The following RPH3AL variants were observed in gnomAD, a reference collection of about 807,000 sequenced individuals.
The protein encoded by RPH3AL is rabphilin 3A like (without C2 domains).
In RPH3AL, 38 loss-of-function variants were observed where a neutral mutation model predicts 43.1. That is an observed-to-expected ratio of 0.88 (90% confidence interval 0.68 to 1.15). RPH3AL has a LOEUF of 1.15. Among genes scored for constraint, RPH3AL ranks in the 50% most tolerant of loss-of-function variants. The probability of loss-of-function intolerance (pLI) is 0.00; values close to 1 mark genes in which losing one functional copy is unlikely to be tolerated. For missense variants in RPH3AL, 462 were observed against 423.2 expected (o/e 1.09, Z -0.81); for synonymous variants, 189 against 176.3 (o/e 1.07, Z -0.57).
chr17:227,670 G>C (rs1003974363), intron 7 of RPH3AL, among the ~76,000 whole-genome samples: 3 of 152,150 alleles, frequency 2.0e-5, no homozygotes, highest in Non-Finnish European at 2.9e-5. Flanking sequence ...GGGGTGGGGA[G>C]ATGCTCCCAC....
At chr17:321,498 C>G (rs146153973) in intron 3 of RPH3AL, 83 bp from the exon 4 acceptor site, 29 of 1,415,540 alleles carry the variant, frequency 2.0e-5, no homozygotes, top group African/African-American at 4.5e-5. Flanking sequence ...CAAGCCCCCC[C>G]GAGAACAGTC....
At chr17:334,763 AGCCC>A in intron 1 of RPH3AL, among the ~76,000 whole-genome samples, 1 of 79,458 alleles carries the variant, frequency 1.3e-5, no homozygotes, top group Admixed American at 1.6e-4. Context: ...CCCCAGGGCC[AGCCC>A]ATCCACTGTG....
intron 7 of RPH3AL, among the ~76,000 whole-genome samples, chr17:244,919 G>C (rs2041710637): frequency 6.6e-6 from 1 of 152,156 alleles, no homozygotes; most frequent in Non-Finnish European, 1.5e-5. Flanking sequence ...GCTACTGTGT[G>C]CATGAGTGTA....
chr17:308,181 A>G (rs2043549581), intron 5 of RPH3AL, among the ~76,000 whole-genome samples: 1 of 152,242 alleles, frequency 6.6e-6, no homozygotes, highest in African/African-American at 2.4e-5. Context: ...GGCGACTGAG[A>G]TGAAATGGCT....
intron 7 of RPH3AL, among the ~76,000 whole-genome samples, chr17:236,444 C>G (rs139274310): frequency 0.013 from 2,052 of 152,142 alleles, 34 homozygotes; most frequent in African/African-American, 0.046. Context: ...GTTTGACTAT[C>G]GGACACTGGC....
rs111886675 is a variant in RPH3AL, at chr17:332,279, C to CAT, written c.-37+1479_-37+1480insAT. The CAT allele has an allele frequency of 7.4e-5, 19 of 255,700 alleles. No individual in the cohort carries two copies. In the East Asian group the frequency reaches 9.0e-4, roughly 12 times the overall value. 15.8% of individuals were successfully genotyped at this position (255,700 alleles called of 1,614,324 possible). The stretch of plus-strand genomic sequence containing the variant: ...AGGTAAGAGGCTGGGGAAGGAGGAG[C>CAT]GTGTGTGTGTGCGCGTGTGTGTGTA... On this transcript the variant is annotated intron_variant, in intron 2 of 9. Transcript: ENST00000331302.
At chr17:296,649 A>G (rs973914463) in intron 5 of RPH3AL, among the ~76,000 whole-genome samples, 3 of 152,094 alleles carry the variant, frequency 2.0e-5, no homozygotes, top group African/African-American at 7.2e-5. Context: ...TTGCACCTTC[A>G]CCTCTGAGGG....
intron 5 of RPH3AL, among the ~76,000 whole-genome samples, chr17:313,986 G>A (rs1216860442): frequency 1.3e-5 from 2 of 152,114 alleles, no homozygotes; most frequent in Non-Finnish European, 2.9e-5. Context: ...ACCTCAGTCT[G>A]CTCAACACCA....
intron 6 of RPH3AL, among the ~76,000 whole-genome samples, chr17:267,159 G>C (rs577213108): frequency 6.6e-6 from 1 of 152,364 alleles, no homozygotes; most frequent in Admixed American, 6.5e-5. Context: ...AGATGCTCTT[G>C]TAAGCTCAGC....
chr17:310,689 A>G (rs2043623078), intron 5 of RPH3AL, among the ~76,000 whole-genome samples: 1 of 152,172 alleles, frequency 6.6e-6, no homozygotes, highest in South Asian at 2.1e-4. Context: ...CCCAGCTGTA[A>G]TTAATTACCC....
rs145356158 is a variant in RPH3AL at position 247,160 on chromosome 17, C to A, written c.564G>T (p.Glu188Asp). Residue 188 changes from glutamate (E) to aspartate (D), a missense_variant, in exon 7 of 10, where the codon GAG (glutamate) becomes GAT (aspartate). Transcript: ENST00000331302. ...RPLPTEPAER[E>D]PRSSETSRIY... ...TGCGGCTGGTCTCAGAGCTTCTGGGCTCTCGCTCTGCCGGTTCCGTGGGCA... is the reference window on the plus strand; with the variant it reads ...TGCGGCTGGTCTCAGAGCTTCTGGGATCTCGCTCTGCCGGTTCCGTGGGCA... The A allele has an allele frequency of 3.0e-4, 488 of 1,611,622 alleles. 1 individual carries two copies. In the African/African-American group the frequency reaches 5.7e-3, roughly 19 times the overall value.
chr17:285,494 T>C (rs1263955864), intron 5 of RPH3AL, among the ~76,000 whole-genome samples: 1 of 152,116 alleles, frequency 6.6e-6, no homozygotes, highest in Non-Finnish European at 1.5e-5. Flanking sequence ...CAGCCCCTCG[T>C]ACCGTGTTCT....
intron 7 of RPH3AL, among the ~76,000 whole-genome samples, chr17:230,638 T>C (rs901799335): frequency 7.2e-5 from 11 of 152,032 alleles, no homozygotes; most frequent in Admixed American, 7.2e-4. Flanking sequence ...CTGGTCTGGG[T>C]TGGGTGTGGT....
intron 7 of RPH3AL, among the ~76,000 whole-genome samples, chr17:244,589 C>G (rs375510946): frequency 6.6e-6 from 1 of 152,100 alleles, no homozygotes; most frequent in African/African-American, 2.4e-5. Context: ...CCCTCGGAGG[C>G]AGGGTCCCAG....
intron 6 of RPH3AL, among the ~76,000 whole-genome samples, chr17:265,657 C>A (rs2042303121): frequency 6.6e-6 from 1 of 152,196 alleles, no homozygotes; most frequent in Non-Finnish European, 1.5e-5. Flanking sequence ...ACTCTTTCCT[C>A]ATTATTTCCT....
intron 7 of RPH3AL, among the ~76,000 whole-genome samples, chr17:224,702 T>A (rs2041066532): frequency 6.6e-6 from 1 of 152,032 alleles, no homozygotes; most frequent in Admixed American, 6.6e-5. Context: ...TAGCAAAGAC[T>A]TGGAACCAAC....
At chr17:285,676 G>A (rs746391676) in intron 5 of RPH3AL, among the ~76,000 whole-genome samples, 37 of 152,156 alleles carry the variant, frequency 2.4e-4, no homozygotes, top group Non-Finnish European at 3.5e-4. Context: ...GGTGGCTACC[G>A]CAAGGGACAG....
At chr17:265,270 C>A (rs1555547621) in intron 6 of RPH3AL, among the ~76,000 whole-genome samples, 1 of 152,084 alleles carries the variant, frequency 6.6e-6, no homozygotes. Flanking sequence ...TTTGTAATTT[C>A]TTTTTAAGAG....
Position 246,149 on chromosome 17 carries a change from CATAA to C in RPH3AL, c.613+958_613+961del, listed in dbSNP as rs2041759320. On this transcript the variant is annotated intron_variant, in intron 7 of 9. Transcript: ENST00000331302. This position sits in a 1 kb window ranked among gnomAD's most constrained non-coding sequence, Gnocchi z 4.8. ...TAACAAGAAAAAACAGCCCGAATGA[CATAA>C]AGATGGTCAGATGTCAGGTCACAAC... is the stretch of plus-strand genomic sequence containing the variant. Among the ~76,000 whole-genome samples, 1 of 152,196 alleles carries C rather than the reference CATAA, an allele frequency of 6.6e-6. No individual in the cohort carries two copies. The highest frequency in any genetic ancestry group is 1.5e-5 in the Non-Finnish European group (1 of 68,034).
Sources: allele counts gnomAD v4.1 joint callset (sites outside exome capture counted in the v4.1 genomes callset), GRCh38; gene constraint gnomAD v4.1.1; non-coding constraint Gnocchi (gnomAD v3.1); transcripts MANE v1.5; gene names NCBI Gene and HGNC (gene_info 2026-07-23, HGNC 2026-07-21).